Variants in HOXD3 observed in about 807,000 individuals in gnomAD.
HOXD3 encodes homeobox D3.
In HOXD3, 13 loss-of-function variants were observed where a neutral mutation model predicts 32.8. The observed-to-expected ratio is 0.40, with a 90% CI of 0.26 to 0.63. The LOEUF is 0.63. HOXD3 is among the 20% of genes least tolerant of loss of function. The probability of loss-of-function intolerance (pLI) is 0.44; values close to 1 mark genes in which losing one functional copy is unlikely to be tolerated. For synonymous variants in HOXD3, 241 were observed against 246.8 expected, an observed-to-expected ratio of 0.98 and a Z score of 0.22; for missense variants, 504 against 577.1, an observed-to-expected ratio of 0.87 and a Z score of 1.30.
chr2:176,171,907 G>C lies in HOXD3; in HGVS notation c.932G>C (p.Gly311Ala). The change falls in exon 4 of 4, where the codon GGC (glycine) becomes GCC (alanine). Residue 311 changes from glycine (G) to alanine (A), a missense_variant. Physicochemically the swap from Gly to Ala is moderately conservative, Grantham distance 60 (BLOSUM62 0). Coordinates refer to ENST00000683222, the MANE Select transcript of HOXD3 (RefSeq NM_006898.5). ...AFAKSQPNMYGLAAYTAPLSS... is the reference protein window; with the variant it reads ...AFAKSQPNMYALAAYTAPLSS... ...GCCAAATCACAGCCCAATATGTACGGCCTGGCCGCCTACACGGCGCCACTC... is the reference window on the plus strand; with the variant it reads ...GCCAAATCACAGCCCAATATGTACGCCCTGGCCGCCTACACGGCGCCACTC... 1 of 1,609,236 alleles carries C rather than the reference G, an allele frequency of 6.2e-7. No homozygotes were observed. Among genetic ancestry groups the C allele is most frequent in the Non-Finnish European group, 8.5e-7 (1 of 1,178,386 alleles).
At chr2:176,158,052 T>TA (rs1420780353) in intron 1 of HOXD3, among the ~76,000 whole-genome samples, 3 of 152,224 alleles carry the variant, frequency 2.0e-5, no homozygotes, top group Non-Finnish European at 4.4e-5. Context: ...AACCAACAGA[T>TA]AATGATTTCC....
At position 176,168,851 on chromosome 2, in the gene HOXD3, G is replaced by C. The variant is rs150341296; in HGVS notation, c.-84-180G>C. 1.4e-3 allele frequency among the ~76,000 whole-genome samples: 214 copies of C among 152,318 alleles called. 3 individuals carry two copies. Among genetic ancestry groups the C allele is most frequent in the African/African-American group, 5.0e-3 (206 of 41,566 alleles). ...TTCATGCCACTGCACTCCAGCCTGG[G>C]CAACAAGCAAGACACTGTATTAATA... On this transcript the variant is annotated intron_variant, in intron 2 of 3. Transcript: ENST00000683222.
Position 176,172,361 on chromosome 2 carries a change from G to C in HOXD3, c.*87G>C. On this transcript the variant is annotated 3_prime_UTR_variant, in exon 4 of 4. Coordinates refer to ENST00000683222, the MANE Select transcript of HOXD3 (RefSeq NM_006898.5). ...GGGTGGGGCCCGCGGGGCAGTTCGG[G>C]AACCCCCTTCCCCGCTCTTGCCCTG... 7.6e-7 allele frequency: 1 copy of C among 1,318,490 alleles called. No individual in the cohort carries two copies. Among genetic ancestry groups the C allele is most frequent in the Non-Finnish European group, 1.0e-6 (1 of 979,896 alleles). 81.7% of individuals were successfully genotyped at this position (1,318,490 alleles called of 1,614,324 possible).
At chr2:176,154,954 C>T (rs1464160674), upstream of HOXD3, among the ~76,000 whole-genome samples, 1 of 152,202 alleles carries the variant, frequency 6.6e-6, no homozygotes, top group Non-Finnish European at 1.5e-5. Context: ...TACCGAAGTT[C>T]GGGTAAATTA....
chr2:176,153,662 C>T (rs1268984347), upstream of HOXD3, among the ~76,000 whole-genome samples: 1 of 152,154 alleles, frequency 6.6e-6, no homozygotes, highest in East Asian at 1.9e-4. Context: ...GATATGTGCA[C>T]TTACTTCTGA....
At chr2:176,156,334 T>C (rs1390826953), upstream of HOXD3, among the ~76,000 whole-genome samples, 3 of 152,084 alleles carry the variant, frequency 2.0e-5, no homozygotes, top group Non-Finnish European at 4.4e-5. Context: ...GGGTACAGAG[T>C]GTTGGGTGTT....
In HOXD3 at chr2:176,171,871, C is replaced by A; in HGVS notation, c.896C>A (p.Pro299Gln). 6.2e-7 allele frequency: 1 copy of A among 1,600,606 alleles called. No individual in the cohort carries two copies. The highest frequency in any genetic ancestry group is 1.3e-5 in the African/African-American group (1 of 74,670). ...VPGLAYDAPSPPAFAKSQPNM... is the reference protein window; with the variant it reads ...VPGLAYDAPSQPAFAKSQPNM... ...GGCCTGGCCTACGACGCGCCCTCGC[C>A]GCCTGCTTTCGCCAAATCACAGCCC... Residue 299 changes from proline to glutamine, a missense_variant, in exon 4 of 4, where the codon CCG becomes CAG. Pro to Gln is a moderately conservative substitution (Grantham distance 76). Coordinates refer to ENST00000683222, the MANE Select transcript of HOXD3 (RefSeq NM_006898.5).
rs1574987538 is a variant in HOXD3, at chr2:176,170,386, G to A, written c.541+731G>A. ...TATTCTGGGAGACAGTAACAGCCTT[G>A]GATTTCTCTAACTGGAAGGGGAGCC... On this transcript the variant is annotated intron_variant, in intron 3 of 3. Coordinates refer to ENST00000683222, the MANE Select transcript of HOXD3 (RefSeq NM_006898.5). Among the ~76,000 whole-genome samples the A allele has an allele frequency of 2.0e-5, 3 of 152,228 alleles. No homozygotes were observed. In the South Asian group the frequency reaches 6.2e-4, roughly 32 times the overall value.
At chr2:176,165,478 G>C (rs1443709759) in intron 2 of HOXD3, 1 of 152,254 alleles carries the variant, frequency 6.6e-6, no homozygotes, top group Non-Finnish European at 1.5e-5. Context: ...CTTCCGGCAG[G>C]AGACCGTTTG....
Position 176,159,956 on chromosome 2 carries a change from C to A in HOXD3, c.-181+2504C>A, listed in dbSNP as rs188900431. ...GGACCAGGTTGGGGTGCTCAGGGAT[C>A]AGAGAGGGGAGGTCGCTCTGGGTCC... On this transcript the variant is annotated intron_variant, in intron 1 of 3. Coordinates refer to ENST00000683222, the MANE Select transcript of HOXD3 (RefSeq NM_006898.5). Among the ~76,000 whole-genome samples, 40 of 152,328 alleles carry A rather than the reference C, an allele frequency of 2.6e-4. No homozygotes were observed. In the East Asian group the frequency reaches 6.4e-3, roughly 24 times the overall value.
intron 1 of HOXD3, among the ~76,000 whole-genome samples, chr2:176,162,706 G>A (rs538555740): frequency 6.6e-6 from 1 of 152,186 alleles, no homozygotes; most frequent in South Asian, 2.1e-4. Flanking sequence ...AGCGCACCGC[G>A]CACCCCGGAA....
intron 1 of HOXD3, among the ~76,000 whole-genome samples, 193 bp downstream of exon 1, chr2:176,157,645 A>AGT (rs141052563): frequency 6.6e-5 from 10 of 150,464 alleles, no homozygotes; most frequent in African/African-American, 1.2e-4. Flanking sequence ...AGAGCGGCCG[A>AGT]GTGTGTGTGT....
At chr2:176,153,074 T>C, upstream of HOXD3, 3 of 659,248 alleles carry the variant, frequency 4.6e-6, no homozygotes, top group East Asian at 1.3e-4. Context: ...CAGGCCGCCC[T>C]CGGACTAGGT....
upstream of HOXD3, chr2:176,152,786 C>T (rs1211421633): frequency 3.7e-6 from 6 of 1,614,206 alleles, no homozygotes; most frequent in South Asian, 1.1e-5. The surrounding 1 kb of genome is among the most constrained non-coding windows in gnomAD (Gnocchi z 5.2). Context: ...GGTTCCAGAA[C>T]CGGAGGATGA....
chr2:176,162,320 A>C (rs1160091858), intron 1 of HOXD3, among the ~76,000 whole-genome samples: 1 of 152,134 alleles, frequency 6.6e-6, no homozygotes, highest in African/African-American at 2.4e-5. Flanking sequence ...TCCCCCGAAA[A>C]TTTCAATAAT....
chr2:176,155,824 G>A (rs953076335), upstream of HOXD3, among the ~76,000 whole-genome samples: 34 of 152,196 alleles, frequency 2.2e-4, no homozygotes, highest in African/African-American at 8.0e-4. Context: ...CTGACTGGGG[G>A]AGGGGGAGAG....
chr2:176,171,798 G>C lies in HOXD3; in HGVS notation c.823G>C (p.Gly275Arg). The C allele has an allele frequency of 6.2e-7, 1 of 1,612,614 alleles. No homozygotes were observed. Residue 275 changes from glycine (G) to arginine (R), a missense_variant, in exon 4 of 4, where the codon GGC becomes CGC. Transcript: ENST00000683222. ...QSPERSPPLG[G>R]AAGHVAYSGQ... ...CCCTGAGCGCAGCCCACCGCTCGGC[G>C]GCGCCGCTGGCCACGTGGCCTACTC...
intron 1 of HOXD3, among the ~76,000 whole-genome samples, chr2:176,162,186 G>T (rs1303845638): frequency 6.6e-6 from 1 of 152,272 alleles, no homozygotes; most frequent in African/African-American, 2.4e-5. Flanking sequence ...CATCAGAACT[G>T]AAAGTCGCTG....
upstream of HOXD3, among the ~76,000 whole-genome samples, chr2:176,157,147 G>A (rs903198815): frequency 7.2e-5 from 11 of 152,192 alleles, no homozygotes; most frequent in African/African-American, 2.7e-4. Context: ...CCTGCCCCCC[G>A]CGCCGGGCTG....
Sources: gnomAD v4.1 joint callset for allele counts (sites outside exome capture counted in the v4.1 genomes callset) on GRCh38, gnomAD v4.1.1 for gene constraint, Gnocchi (gnomAD v3.1) non-coding constraint, MANE v1.5 for transcripts, NCBI Gene and HGNC (gene_info 2026-07-23, HGNC 2026-07-21) for gene names.